Variants in MYH14 observed in about 807,000 individuals in gnomAD.
MYH14 encodes the protein myosin-14.
In MYH14, 123 loss-of-function variants were observed where a neutral mutation model predicts 255.5. The ratio of observed to expected loss-of-function variants is 0.48; its 90% CI spans 0.42 to 0.56. The LOEUF (loss-of-function observed/expected upper bound fraction) is 0.56. Among genes scored for constraint, MYH14 ranks in the 20% least tolerant of loss-of-function variants. MYH14 has a pLI of 0.00. For missense variants in MYH14, 2,423 were observed against 2,802.3 expected (o/e 0.86, Z 3.06); for synonymous variants, 1,095 against 1,161.2 (o/e 0.94, Z 1.16).
At chr19:50,275,695 C>T (rs143564874) in intron 27 of MYH14, among the ~76,000 whole-genome samples, 48 of 152,260 alleles carry the variant, frequency 3.2e-4, no homozygotes, top group African/African-American at 1.1e-3. Flanking sequence ...GCATAGTGGA[C>T]CGCACCTGTG....
chr19:50,218,205 C>A (rs1055126641), intron 3 of MYH14, among the ~76,000 whole-genome samples: 1 of 152,058 alleles, frequency 6.6e-6, no homozygotes, highest in Non-Finnish European at 1.5e-5. Context: ...GTCTCAAACT[C>A]CTGACCTCAA....
chr19:50,225,490 A>C, intron 6 of MYH14, 95 bp from the exon 7 acceptor site: 1 of 899,872 alleles, frequency 1.1e-6, no homozygotes, highest in South Asian at 1.5e-5. Flanking sequence ...TCACACACAG[A>C]TACTCAGTCA....
intron 8 of MYH14, 95 bp downstream of exon 8, chr19:50,227,061 T>C (rs2033143869): frequency 2.1e-6 from 2 of 973,216 alleles, no homozygotes; most frequent in Non-Finnish European, 3.0e-6. Context: ...AGGGACCCCT[T>C]ACCTGCTACT....
At chr19:50,270,637 C>G (rs2035263131) in intron 24 of MYH14, among the ~76,000 whole-genome samples, 1 of 151,190 alleles carries the variant, frequency 6.6e-6, no homozygotes. Flanking sequence ...GTTGGCAGTA[C>G]CCATTTCTAT....
In MYH14 at chr19:50,272,675, G is replaced by T. The variant is rs755451657; in HGVS notation, c.3411G>T (p.Glu1137Asp). 6.4e-7 allele frequency: 1 copy of T among 1,554,896 alleles called. No individual in the cohort carries two copies. The highest frequency in any genetic ancestry group is 8.7e-7 in the Non-Finnish European group (1 of 1,149,844). ...EQMVEQQQRA[E>D]ELRAQLGRKE... is the part of the protein sequence containing the mutation. ...TGGTGGAGCAGCAACAGCGGGCAGA[G>T]GAGCTGCGGGCCCAGCTGGGCCGGA... Residue 1137 changes from glutamate to aspartate, a missense_variant, in exon 27 of 43, where the codon GAG (glutamate) becomes GAT (aspartate). Glu to Asp is a conservative substitution (Grantham distance 45). Coordinates refer to ENST00000642316, the MANE Select transcript of MYH14 (RefSeq NM_001145809.2).
chr19:50,300,544 T>G (rs1407287014), intron 39 of MYH14, among the ~76,000 whole-genome samples: 2 of 151,938 alleles, frequency 1.3e-5, no homozygotes, highest in Non-Finnish European at 2.9e-5. Flanking sequence ...AGGTCAGGAG[T>G]TCGAGACCAG....
intron 33 of MYH14, chr19:50,284,897 C>CTTCTTT (rs1462349980): frequency 6.8e-6 from 1 of 147,720 alleles, no homozygotes; most frequent in Non-Finnish European, 1.5e-5. Flanking sequence ...TCTTCTCCTC[C>CTTCTTT]TTCTTTTTCT....
chr19:50,273,290 C>CAAAA (rs778739770), intron 27 of MYH14, among the ~76,000 whole-genome samples: 3 of 78,650 alleles, frequency 3.8e-5, no homozygotes, highest in South Asian at 4.1e-4. Flanking sequence ...GACTATGTCT[C>CAAAA]AAAAAAAAAA....
chr19:50,308,710 C>T (rs760802926), intron 41 of MYH14: 13 of 366,806 alleles, frequency 3.5e-5, no homozygotes, highest in Non-Finnish European at 5.9e-5. Context: ...AACCTTGTCC[C>T]GGGGGTACTG....
At chr19:50,297,716 T>C (rs906439760) in intron 39 of MYH14, among the ~76,000 whole-genome samples, 5 of 151,620 alleles carry the variant, frequency 3.3e-5, no homozygotes, top group Non-Finnish European at 5.9e-5. Context: ...GCCAGGCTGG[T>C]CTCGAACTCC....
chr19:50,279,946 A>G (rs1035892314), intron 30 of MYH14, 91 bp from the exon 31 acceptor site: 1 of 928,554 alleles, frequency 1.1e-6, no homozygotes, highest in Admixed American at 2.0e-5. Context: ...AACATTTCAC[A>G]TTCCTGCCAG....
intron 2 of MYH14, among the ~76,000 whole-genome samples, chr19:50,212,997 GGCTGCAGTGCA>G (rs2032277976): frequency 3.3e-5 from 5 of 152,062 alleles, no homozygotes; most frequent in Admixed American, 2.6e-4. Flanking sequence ...CTGTTGCCCA[GGCTGCAGTGCA>G]GCAGCATGAT....
chr19:50,269,299 C>G (rs2035208966), intron 24 of MYH14, among the ~76,000 whole-genome samples: 1 of 152,320 alleles, frequency 6.6e-6, no homozygotes, highest in African/African-American at 2.4e-5. Context: ...GCCTCAGCCT[C>G]TACAGCAGTA....
chr19:50,261,632 G>A lies in MYH14; in HGVS notation c.2582G>A (p.Arg861His). The change falls in exon 21 of 43, where the codon CGC (arginine) becomes CAC (histidine). Residue 861 changes from arginine (R) to histidine (H), a missense_variant. Physicochemically the swap from Arg to His is conservative, Grantham distance 29. This residue lies in a region of MYH14 where 1,513 missense variants were observed against 1,674.8 expected (regional missense o/e 0.90). Transcript: ENST00000642316. ...GCAGCTGCCCGGGGATACCTGGCTCGCAGGTGGGCAGCCACGCTGTCTCCC... is the reference window on the plus strand; with the variant it reads ...GCAGCTGCCCGGGGATACCTGGCTCACAGGTGGGCAGCCACGCTGTCTCCC... ...FQAAARGYLA[R>H]RAFQKRQQQQ... 1 of 1,593,146 alleles carries A rather than the reference G, an allele frequency of 6.3e-7. No homozygotes were observed. The highest frequency in any genetic ancestry group is 8.5e-7 in the Non-Finnish European group (1 of 1,171,498).
At position 50,252,585 on chromosome 19, in the gene MYH14, C is replaced by T; in HGVS notation, c.1831-54C>T. On this transcript the variant is annotated intron_variant, in intron 15 of 42. Transcript: ENST00000642316. The surrounding 1 kb of genome is among the most constrained non-coding windows in gnomAD (Gnocchi z 4.2). ...CTTCTGGAAGGCTCCTTAGGAAATC[C>T]AGAGAATGTCTGAGCCTGCAAGTCA... The T allele has an allele frequency of 1.6e-6, 2 of 1,266,592 alleles. No individual in the cohort carries two copies. The highest frequency in any genetic ancestry group is 2.6e-5 in the South Asian group (2 of 78,360). The allele number at this position is 1,266,592 out of a possible 1,614,324, so 78.5% of individuals were successfully genotyped here. A position where few individuals can be genotyped will look rare whatever the true frequency, so the allele number is the denominator to read the frequency against.
chr19:50,247,241 G>A (rs562273159), intron 12 of MYH14, 119 bp downstream of exon 12: 43 of 684,594 alleles, frequency 6.3e-5, no homozygotes, highest in Admixed American at 1.1e-4. Flanking sequence ...TGCCCGCTCC[G>A]TTACCGATCC....
Position 50,250,708 on chromosome 19 carries a change from T to C in MYH14, c.1830+20T>C, listed in dbSNP as rs1600941387. ...GGCAAGGTAGGGGCTGGGGCCGGCC[T>C]TGGGGCATGTGGGAGTGGGGATCAA... On this transcript the variant is annotated intron_variant, in intron 15 of 42. Coordinates refer to ENST00000642316, the MANE Select transcript of MYH14 (RefSeq NM_001145809.2). This position sits in a 1 kb window ranked among gnomAD's most constrained non-coding sequence, Gnocchi z 5.4. The C allele has an allele frequency of 6.3e-7, 1 of 1,599,252 alleles. No homozygotes were observed. The highest frequency in any genetic ancestry group is 2.2e-5 in the East Asian group (1 of 44,596).
rs950206031 is a variant in MYH14, at chr19:50,266,577, G to A, written c.2695-300G>A. Among the ~76,000 whole-genome samples the A allele has an allele frequency of 6.6e-6, 1 of 151,456 alleles. No homozygotes were observed. Among genetic ancestry groups the A allele is most frequent in the Admixed American group, 6.6e-5 (1 of 15,248 alleles). On this transcript the variant is annotated intron_variant, in intron 22 of 42. Transcript: ENST00000642316. This position sits in a 1 kb window ranked among gnomAD's most constrained non-coding sequence, Gnocchi z 4.1. ...CTGTCGAAAGGAAGGAAGGAAGGGA[G>A]GAAAAAAGGAAGGAAGGAAGGACTG... is the stretch of plus-strand genomic sequence containing the variant.
chr19:50,280,402 G>T lies in MYH14; in HGVS notation c.4290+19G>T, dbSNP rs1417199995. On this transcript the variant is annotated intron_variant, in intron 32 of 42. Coordinates refer to ENST00000642316, the MANE Select transcript of MYH14 (RefSeq NM_001145809.2). The surrounding 1 kb of genome is among the most constrained non-coding windows in gnomAD (Gnocchi z 4.8). ...GGCCCAGGTGAGCAGCCCTACGTAA[G>T]ACCTTCAGGGAGGCACAGCCCCCCT... The T allele has an allele frequency of 2.7e-6, 4 of 1,506,408 alleles. No individual in the cohort carries two copies. Among genetic ancestry groups the T allele is most frequent in the Non-Finnish European group, 3.6e-6 (4 of 1,121,674 alleles). The allele number at this position is 1,506,408 out of a possible 1,614,324, so 93.3% of individuals were successfully genotyped here. A position where few individuals can be genotyped will look rare whatever the true frequency, so the allele number is the denominator to read the frequency against.
Sources: gnomAD v4.1 joint callset for allele counts (sites outside exome capture counted in the v4.1 genomes callset) on GRCh38, gnomAD v4.1.1 for gene constraint, gnomAD v4.1.1 regional missense constraint, Gnocchi (gnomAD v3.1) non-coding constraint, MANE v1.5 for transcripts, NCBI Gene and HGNC (gene_info 2026-07-23, HGNC 2026-07-21) for gene names.